Variants in FMN2 observed in about 807,000 individuals in gnomAD.
FMN2 encodes formin 2, also known as formin-2.
FMN2 carries 51 observed loss-of-function variants against 142.3 expected under a neutral mutation model. The observed-to-expected ratio is 0.36, with a 90% CI of 0.29 to 0.45. FMN2 has a LOEUF of 0.45. Among genes scored for constraint, FMN2 ranks in the 20% least tolerant of loss-of-function variants. FMN2 has a pLI of 1.00. For synonymous variants in FMN2, 882 were observed against 869.8 expected, an observed-to-expected ratio of 1.01 and a Z score of -0.25; for missense variants, 1,936 against 2,122.8, an observed-to-expected ratio of 0.91 and a Z score of 1.73.
chr1:240,221,301 C>G (rs1667102108), intron 6 of FMN2, among the ~76,000 whole-genome samples: 1 of 152,162 alleles, frequency 6.6e-6, no homozygotes, highest in South Asian at 2.1e-4. Context: ...ACACTGTCTT[C>G]CACAATGGTT....
intron 4 of FMN2, among the ~76,000 whole-genome samples, chr1:240,200,281 T>C (rs924690177): frequency 5.9e-5 from 9 of 152,172 alleles, no homozygotes; most frequent in African/African-American, 2.2e-4. Context: ...AAAATGGCCC[T>C]TTTTCCTGAT....
intron 7 of FMN2, among the ~76,000 whole-genome samples, chr1:240,269,817 T>C (rs1197148276): frequency 6.6e-6 from 1 of 151,994 alleles, no homozygotes; most frequent in Non-Finnish European, 1.5e-5. Flanking sequence ...TGGAACTGTT[T>C]TCTTTTTTCT....
chr1:240,388,820 C>G (rs984560981), intron 14 of FMN2, among the ~76,000 whole-genome samples: 15 of 148,928 alleles, frequency 1.0e-4, no homozygotes, highest in African/African-American at 3.7e-4. Context: ...CGAGATCTCG[C>G]CATTGGACTC....
At chr1:240,457,389 G>A (rs1207972768) in intron 16 of FMN2, 3 of 152,102 alleles carry the variant, frequency 2.0e-5, no homozygotes, top group Non-Finnish European at 4.4e-5. Context: ...GCTTCACTAC[G>A]AATGTATGAC....
chr1:240,132,034 A>G (rs1170298799), intron 2 of FMN2, among the ~76,000 whole-genome samples: 1 of 152,188 alleles, frequency 6.6e-6, no homozygotes, highest in Non-Finnish European at 1.5e-5. Context: ...AGCTATAGGG[A>G]ATCTTTAGGA....
intron 7 of FMN2, among the ~76,000 whole-genome samples, chr1:240,289,491 G>A (rs1182265513): frequency 6.6e-6 from 1 of 151,986 alleles, no homozygotes; most frequent in Non-Finnish European, 1.5e-5. Context: ...AACATAGCAA[G>A]ACCTTTTTCT....
At chr1:240,430,969 A>G (rs1335426266) in intron 15 of FMN2, among the ~76,000 whole-genome samples, 9 of 149,852 alleles carry the variant, frequency 6.0e-5, no homozygotes, top group Non-Finnish European at 8.8e-5. Context: ...TAGAATCAGC[A>G]TATCAGTCCC....
chr1:240,234,569 T>C (rs1273318513), intron 6 of FMN2, among the ~76,000 whole-genome samples: 5 of 152,184 alleles, frequency 3.3e-5, no homozygotes, highest in African/African-American at 1.2e-4. Context: ...TTGCTTGCCA[T>C]AATTGTGATG....
chr1:240,438,745 C>G (rs897654267), intron 16 of FMN2, among the ~76,000 whole-genome samples: 2 of 152,028 alleles, frequency 1.3e-5, no homozygotes, highest in East Asian at 1.9e-4. Flanking sequence ...GGGAAATGTC[C>G]CCTCTTCAGT....
chr1:240,416,545 C>G (rs563094221), intron 15 of FMN2, among the ~76,000 whole-genome samples: 1 of 152,310 alleles, frequency 6.6e-6, no homozygotes, highest in East Asian at 1.9e-4. Flanking sequence ...GCTGGGATTA[C>G]AGGCGTGAGC....
intron 2 of FMN2, among the ~76,000 whole-genome samples, chr1:240,127,710 G>C (rs1662570548): frequency 6.6e-6 from 1 of 152,114 alleles, no homozygotes; most frequent in Non-Finnish European, 1.5e-5. Context: ...GAACTCCTGG[G>C]GTCAAGCAGT....
At chr1:240,363,468 C>G (rs2103058125) in intron 14 of FMN2, among the ~76,000 whole-genome samples, 1 of 152,352 alleles carries the variant, frequency 6.6e-6, no homozygotes, top group East Asian at 1.9e-4. Flanking sequence ...GCTGGTAAAT[C>G]ATGGGACTTC....
At position 240,232,099 on chromosome 1, in the gene FMN2, C is replaced by T. The variant is rs556544320; in HGVS notation, c.4065+20864C>T. Among the ~76,000 whole-genome samples, 413 of 152,024 alleles carry T rather than the reference C, an allele frequency of 2.7e-3. 3 individuals carry two copies. In the South Asian group the frequency reaches 0.027, roughly 10 times the overall value. ...TTTTTAATTTTTTTTGAGATGGAGT[C>T]TTGCTCTGTCACCAGGCTGGAGTGC... On this transcript the variant is annotated intron_variant, in intron 6 of 17. Coordinates refer to ENST00000319653, the MANE Select transcript of FMN2 (RefSeq NM_020066.5).
At chr1:240,250,969 T>TTC (rs60155053) in intron 6 of FMN2, among the ~76,000 whole-genome samples, 105,257 of 151,484 alleles carry the variant, frequency 0.69, 37,259 homozygotes, top group East Asian at 0.85. Context: ...CATTTGGGTC[T>TTC]TCTCTCATTT....
At chr1:240,185,923 C>T (rs4659947) in intron 3 of FMN2, among the ~76,000 whole-genome samples, 3 of 151,972 alleles carry the variant, frequency 2.0e-5, no homozygotes, top group Admixed American at 6.6e-5. Flanking sequence ...ACTAGCTTTG[C>T]TGTTAAAGAT....
chr1:240,425,267 G>A (rs1284384681), intron 15 of FMN2, among the ~76,000 whole-genome samples: 2 of 149,898 alleles, frequency 1.3e-5, no homozygotes, highest in Non-Finnish European at 3.0e-5. Flanking sequence ...AGCATTCCAG[G>A]CAGATGAAAA....
rs575267492 is a variant in FMN2 at position 240,181,371 on chromosome 1, G to GTCT, written c.1930+3307_1930+3309dup. Among the ~76,000 whole-genome samples the GTCT allele has an allele frequency of 1.2e-3, 185 of 152,304 alleles. 4 individuals are homozygous for GTCT. In the South Asian group the frequency reaches 0.028, roughly 23 times the overall value. On this transcript the variant is annotated intron_variant, in intron 3 of 17. Transcript: ENST00000319653. ...AGCTAGTTCAGATTTGTGGTACTCTGTCTTCTGCCTTTTTCATGTATCTCA... is the reference window on the plus strand; with the variant it reads ...AGCTAGTTCAGATTTGTGGTACTCTGTCTTCTTCTGCCTTTTTCATGTATCTCA...
chr1:240,333,861 T>C (rs762584433), intron 11 of FMN2, 26 bp from the exon 12 acceptor site: 8 of 1,563,896 alleles, frequency 5.1e-6, no homozygotes, highest in African/African-American at 1.4e-5. Flanking sequence ...AAATATATTG[T>C]CACTGACTTT....
chr1:240,221,999 C>T (rs1164926917), intron 6 of FMN2, among the ~76,000 whole-genome samples: 5 of 148,338 alleles, frequency 3.4e-5, no homozygotes, highest in Non-Finnish European at 7.4e-5. Context: ...AGGTGCCCAC[C>T]AACACACCCA....
Sources: gnomAD v4.1 joint callset for allele counts (sites outside exome capture counted in the v4.1 genomes callset) on GRCh38, gnomAD v4.1.1 for gene constraint, MANE v1.5 for transcripts, NCBI Gene and HGNC (gene_info 2026-07-23, HGNC 2026-07-21) for gene names.